Variants in ESRP1 observed in about 807,000 individuals in gnomAD.
The protein encoded by ESRP1 is epithelial splicing regulatory protein 1.
Under a neutral mutation model 81.7 loss-of-function variants are expected in ESRP1, and 33 were observed. The observed-to-expected ratio is 0.40, with a 90% CI of 0.31 to 0.54. ESRP1 has a LOEUF of 0.54. Ranked by LOEUF, ESRP1 falls within the 20% of genes least tolerant of loss-of-function variation. The pLI, the probability that ESRP1 is intolerant of heterozygous loss-of-function variation, is 0.41. For missense variants in ESRP1, 672 were observed against 833.1 expected, an observed-to-expected ratio of 0.81 and a Z score of 2.38; for synonymous variants, 320 against 303.3, an observed-to-expected ratio of 1.06 and a Z score of -0.57.
intron 10 of ESRP1, among the ~76,000 whole-genome samples, chr8:94,670,038 T>C (rs1455579218): frequency 6.6e-6 from 1 of 152,212 alleles, no homozygotes. Flanking sequence ...GTTTGTCTTA[T>C]GAAATCATGG....
rs1302067900 is a variant in ESRP1, at chr8:94,662,362, A to C, written c.581A>C (p.Glu194Ala). ...AATATAATTTTAGCAATGATTTCAGAGCCTTATAGTAAGTATTGCTTTTAT... is the reference window on the plus strand; with the variant it reads ...AATATAATTTTAGCAATGATTTCAGCGCCTTATAGTAAGTATTGCTTTTAT... ...MGNIILAMIS[E>A]PYNHRFSDPE... Residue 194 changes from glutamate to alanine, a missense_variant, in exon 5 of 16, where the codon GAG becomes GCG. Physicochemically the swap from Glu to Ala is moderately radical, Grantham distance 107. Transcript: ENST00000433389. 7 of 1,574,364 alleles carry C rather than the reference A, an allele frequency of 4.4e-6. No individual in the cohort carries two copies. Among genetic ancestry groups the C allele is most frequent in the Non-Finnish European group, 6.0e-6 (7 of 1,157,284 alleles).
intron 13 of ESRP1, among the ~76,000 whole-genome samples, chr8:94,684,892 G>A (rs1051243082): frequency 3.9e-5 from 6 of 151,978 alleles, no homozygotes; most frequent in African/African-American, 1.2e-4. Flanking sequence ...AAGTTGGGAT[G>A]GTGGCACCCA....
intron 10 of ESRP1, 191 bp downstream of exon 10, chr8:94,668,441 C>T: frequency 2.1e-6 from 1 of 476,324 alleles, no homozygotes; most frequent in Non-Finnish European, 3.6e-6. Context: ...ACAACACATA[C>T]TACGTATTTT....
intron 13 of ESRP1, among the ~76,000 whole-genome samples, chr8:94,682,845 T>G (rs964994236): frequency 1.2e-4 from 17 of 142,366 alleles, no homozygotes; most frequent in African/African-American, 4.2e-4. Context: ...ACCTAATGAA[T>G]GAATATATAT....
chr8:94,688,989 G>T (rs192123795), intron 13 of ESRP1, among the ~76,000 whole-genome samples: 1 of 152,052 alleles, frequency 6.6e-6, no homozygotes, highest in Non-Finnish European at 1.5e-5. Flanking sequence ...GGTGGCTCAC[G>T]CCTGTAATCC....
At chr8:94,650,954 C>T (rs1321758194) in intron 4 of ESRP1, among the ~76,000 whole-genome samples, 2 of 152,160 alleles carry the variant, frequency 1.3e-5, no homozygotes, top group African/African-American at 4.8e-5. Flanking sequence ...ATCCGCCCGC[C>T]TTGGCCTCTT....
rs76925505 is a variant in ESRP1 at position 94,647,138 on chromosome 8, T to G, written c.490+856T>G. Among the ~76,000 whole-genome samples, 980 of 152,304 alleles carry G rather than the reference T, an allele frequency of 6.4e-3. 11 individuals carry two copies. Among genetic ancestry groups the G allele is most frequent in the African/African-American group, 0.022 (910 of 41,566 alleles). On this transcript the variant is annotated intron_variant, in intron 4 of 15. Coordinates refer to ENST00000433389, the MANE Select transcript of ESRP1 (RefSeq NM_017697.4). ...CCTGGTTTTTGTGTTACTTCACGAT[T>G]TTTTTTCCTGATTGAAGTTTGCTCG...
At chr8:94,666,753 T>A (rs1181081384) in intron 9 of ESRP1, among the ~76,000 whole-genome samples, 2 of 151,900 alleles carry the variant, frequency 1.3e-5, no homozygotes, top group Non-Finnish European at 2.9e-5. Flanking sequence ...TCCCAAGCAA[T>A]GTTTGATATT....
At chr8:94,699,458 A>G (rs1210247716) in intron 15 of ESRP1, among the ~76,000 whole-genome samples, 1 of 152,024 alleles carries the variant, frequency 6.6e-6, no homozygotes, top group Non-Finnish European at 1.5e-5. Flanking sequence ...CCTGGGCAAC[A>G]TGGCAAAACC....
chr8:94,659,324 C>T (rs1818598735), intron 4 of ESRP1, among the ~76,000 whole-genome samples: 2 of 152,118 alleles, frequency 1.3e-5, no homozygotes, highest in Admixed American at 6.5e-5. Context: ...TCTGTTGTGG[C>T]GATCTGTAAT....
In ESRP1 at chr8:94,681,208, C is replaced by A. The variant is rs190936759; in HGVS notation, c.1820+2837C>A. ...GGGCGTGGTGATGGGTGCCTATAGT[C>A]CCAGCTACTTGGGAGGCTGAGGCAG... On this transcript the variant is annotated intron_variant, in intron 13 of 15. Transcript: ENST00000433389. Among the ~76,000 whole-genome samples, 1,405 of 151,430 alleles carry A rather than the reference C, an allele frequency of 9.3e-3. 24 individuals carry two copies. The highest frequency in any genetic ancestry group is 0.032 in the African/African-American group (1,309 of 41,200).
At chr8:94,679,167 G>T (rs1200887325) in intron 13 of ESRP1, among the ~76,000 whole-genome samples, 2 of 152,130 alleles carry the variant, frequency 1.3e-5, no homozygotes, top group Non-Finnish European at 2.9e-5. Context: ...ATAATAACAG[G>T]CAAGTTTGTA....
At position 94,653,215 on chromosome 8, in the gene ESRP1, TG is replaced by T. The variant is rs35498142; in HGVS notation, c.490+6939del. Among the ~76,000 whole-genome samples, 895 of 152,176 alleles carry T rather than the reference TG, an allele frequency of 5.9e-3. 9 individuals carry two copies. The highest frequency in any genetic ancestry group is 0.021 in the African/African-American group (857 of 41,538). ...AGGGTGTGTATATTTCATCACTTCT[TG>T]GGGGGTGTAAAGGATTTGGGTGTGT... On this transcript the variant is annotated intron_variant, in intron 4 of 15. Transcript: ENST00000433389.
intron 9 of ESRP1, among the ~76,000 whole-genome samples, chr8:94,665,448 G>A (rs996835647): frequency 2.0e-5 from 3 of 152,132 alleles, no homozygotes; most frequent in African/African-American, 7.2e-5. Flanking sequence ...ATACAAAGGT[G>A]AAAAGGTGAT....
Position 94,664,970 on chromosome 8 carries a change from G to C in ESRP1, c.799G>C (p.Gly267Arg). Residue 267 changes from glycine to arginine, a missense_variant, in exon 8 of 16, where the codon GGA becomes CGA. By Grantham distance (125) the Gly-to-Arg change is moderately radical (BLOSUM62 -2). Transcript: ENST00000433389. ...LCLNAQGRRNGEALVRFVSEE... is the reference protein window; with the variant it reads ...LCLNAQGRRNREALVRFVSEE... ...TCTGAATGCTCAGGGTCGAAGGAAC[G>C]GAGAAGCTCTGGTTAGGTTTGTAAG... is the stretch of plus-strand genomic sequence containing the variant. The C allele has an allele frequency of 6.2e-7, 1 of 1,613,570 alleles. No individual in the cohort carries two copies. Among genetic ancestry groups the C allele is most frequent in the South Asian group, 1.1e-5 (1 of 91,036 alleles).
intron 13 of ESRP1, among the ~76,000 whole-genome samples, chr8:94,679,725 A>T (rs1227504838): frequency 2.0e-5 from 3 of 152,062 alleles, no homozygotes; most frequent in Non-Finnish European, 4.4e-5. Flanking sequence ...ATAGGAGTGT[A>T]GTGAGTAAAA....
At chr8:94,682,907 TATA>T (rs1808960241) in intron 13 of ESRP1, among the ~76,000 whole-genome samples, 1 of 23,326 alleles carries the variant, frequency 4.3e-5, no homozygotes, top group African/African-American at 2.2e-4. Context: ...CATTATTTTA[TATA>T]TATATATATA....
intron 4 of ESRP1, among the ~76,000 whole-genome samples, chr8:94,661,899 A>G (rs1473839499): frequency 6.6e-6 from 1 of 152,224 alleles, no homozygotes; most frequent in African/African-American, 2.4e-5. Flanking sequence ...ATGTCACCAT[A>G]TCATGAAGTC....
intron 4 of ESRP1, chr8:94,646,584 A>G (rs1373228905): frequency 5.3e-6 from 1 of 187,560 alleles, no homozygotes; most frequent in Non-Finnish European, 1.1e-5. Context: ...TGAAGACTTT[A>G]GTGCAGATTC....
Sources: allele counts gnomAD v4.1 joint callset (sites outside exome capture counted in the v4.1 genomes callset), GRCh38; gene constraint gnomAD v4.1.1; transcripts MANE v1.5; gene names NCBI Gene and HGNC (gene_info 2026-07-23, HGNC 2026-07-21).